Variants in METTL15 observed in about 807,000 individuals in gnomAD.
METTL15 encodes the protein 12S rRNA N(4)-cytidine methyltransferase METTL15.
A neutral mutation model predicts 38.3 loss-of-function variants in METTL15; 34 were observed. The ratio of observed to expected loss-of-function variants is 0.89; its 90% CI spans 0.68 to 1.18. The LOEUF (loss-of-function observed/expected upper bound fraction) is 1.18, where lower values mean the gene tolerates loss of function less well. METTL15 is among the 50% of genes most tolerant of loss of function. The pLI is 0.00. For missense variants in METTL15, 438 were observed against 498.4 expected (o/e 0.88, Z 1.15); for synonymous variants, 162 against 170.9 (o/e 0.95, Z 0.41).
intron 4 of METTL15, among the ~76,000 whole-genome samples, chr11:28,233,046 T>G (rs555557522): frequency 1.3e-5 from 2 of 151,982 alleles, no homozygotes; most frequent in African/African-American, 4.8e-5. Flanking sequence ...TTAGCCTTTA[T>G]TTTTTTTAAA....
intron 6 of METTL15, among the ~76,000 whole-genome samples, chr11:28,425,823 G>C (rs1850858768): frequency 6.6e-6 from 1 of 152,148 alleles, no homozygotes; most frequent in South Asian, 2.1e-4. Flanking sequence ...AATATTTTTT[G>C]TATAAAATTG....
At chr11:28,143,301 A>G (rs1311381639) in intron 3 of METTL15, among the ~76,000 whole-genome samples, 2 of 152,150 alleles carry the variant, frequency 1.3e-5, no homozygotes, top group Non-Finnish European at 2.9e-5. Context: ...TCAAAAGAAC[A>G]CAGTACATTA....
At position 28,392,801 on chromosome 11, in the gene METTL15, CA is replaced by C. The variant is rs375451919; in HGVS notation, c.*358+30770del. ...GAATATATAAAGATCTACAACTGAA[CA>C]AAAACAAAAAAACAAATAACCAATT... On this transcript the variant is annotated intron_variant and NMD_transcript_variant, in intron 5 of 7. Coordinates refer to the METTL15 transcript ENST00000532947. Among the ~76,000 whole-genome samples the C allele has an allele frequency of 4.3e-3, 657 of 151,666 alleles. 7 individuals are homozygous for C. Among genetic ancestry groups the C allele is most frequent in the African/African-American group, 0.015 (624 of 41,416 alleles).
chr11:28,115,176 C>T (rs539107165), intron 3 of METTL15, among the ~76,000 whole-genome samples: 1 of 152,150 alleles, frequency 6.6e-6, no homozygotes, highest in African/African-American at 2.4e-5. Flanking sequence ...TTTGATTCTC[C>T]AAAAAATTAC....
At chr11:28,279,540 T>A (rs1855969801) in intron 4 of METTL15, among the ~76,000 whole-genome samples, 1 of 152,180 alleles carries the variant, frequency 6.6e-6, no homozygotes, top group East Asian at 1.9e-4. Context: ...CTCTTATTTG[T>A]TATACATTAT....
Position 28,392,095 on chromosome 11 carries a change from T to A in METTL15, c.*358+30059T>A, listed in dbSNP as rs776329171. 4.6e-5 allele frequency among the ~76,000 whole-genome samples: 7 copies of A among 152,030 alleles called. No individual in the cohort carries two copies. The South Asian group carries it at 1.2e-3, about 27-fold the overall frequency. Reference sequence around the variant, plus strand: ...CAAAGGGCTAATATCCAGAATCTACTATGAACTCAAACAAATTTACAAGAA... The same window carrying A: ...CAAAGGGCTAATATCCAGAATCTACAATGAACTCAAACAAATTTACAAGAA... On this transcript the variant is annotated intron_variant and NMD_transcript_variant, in intron 5 of 7. Coordinates refer to the METTL15 transcript ENST00000532947.
chr11:28,510,213 TAAG>T lies in METTL15; in HGVS notation c.*425-16260_*425-16258del, dbSNP rs1328724576. The stretch of plus-strand genomic sequence containing the variant: ...CAAAATAAATTACTAAAGGAAATTA[TAAG>T]AAGATCTGCTACTTCAGCTAACAAA... On this transcript the variant is annotated intron_variant and NMD_transcript_variant, in intron 6 of 7. Transcript: ENST00000532947. Among the ~76,000 whole-genome samples the T allele has an allele frequency of 2.0e-5, 3 of 152,312 alleles. No homozygotes were observed. In the East Asian group the frequency reaches 5.8e-4, roughly 29 times the overall value.
At chr11:28,374,734 G>C (rs1221629213) in intron 5 of METTL15, among the ~76,000 whole-genome samples, 1 of 151,340 alleles carries the variant, frequency 6.6e-6, no homozygotes. Context: ...GGGCATCCCT[G>C]TCTTGTGCCA....
chr11:28,296,053 A>G (rs1231197304), intron 5 of METTL15, among the ~76,000 whole-genome samples: 1 of 152,126 alleles, frequency 6.6e-6, no homozygotes, highest in South Asian at 2.1e-4. Context: ...CTATTTGACC[A>G]GAGGTTGGTA....
chr11:28,149,821 A>AT (rs1850017765), intron 3 of METTL15, among the ~76,000 whole-genome samples: 1 of 152,018 alleles, frequency 6.6e-6, no homozygotes, highest in Non-Finnish European at 1.5e-5. Flanking sequence ...CAGTACTTAA[A>AT]TTTTATTTAA....
intron 6 of METTL15, among the ~76,000 whole-genome samples, chr11:28,461,016 A>G (rs1851209329): frequency 6.6e-6 from 1 of 152,060 alleles, no homozygotes. Context: ...TTCATTTCAT[A>G]GACAGAGGGG....
intron 4 of METTL15, chr11:28,261,459 C>G (rs917196039): frequency 1.3e-5 from 2 of 156,606 alleles, no homozygotes; most frequent in African/African-American, 4.8e-5. Context: ...GCCAGATCAG[C>G]TGAATCAACT....
At chr11:28,340,421 A>G (rs565367257) in intron 3 of METTL15, among the ~76,000 whole-genome samples, 1 of 152,294 alleles carries the variant, frequency 6.6e-6, no homozygotes, top group South Asian at 2.1e-4. Flanking sequence ...TTTGCAATCT[A>G]TCCATCTGGC....
intron 4 of METTL15, among the ~76,000 whole-genome samples, chr11:28,256,999 A>T (rs149810428): frequency 1.3e-5 from 2 of 152,168 alleles, no homozygotes; most frequent in Non-Finnish European, 2.9e-5. Context: ...ATGTATTTGT[A>T]TAGTTTCCAA....
chr11:28,259,457 A>C (rs1348893365), intron 4 of METTL15, among the ~76,000 whole-genome samples: 1 of 152,116 alleles, frequency 6.6e-6, no homozygotes, highest in Admixed American at 6.5e-5. Flanking sequence ...CATGCCTGGG[A>C]GTTGCAGTCC....
At chr11:28,158,642 G>C (rs2133736356) in intron 3 of METTL15, among the ~76,000 whole-genome samples, 1 of 152,280 alleles carries the variant, frequency 6.6e-6, no homozygotes, top group East Asian at 1.9e-4. Context: ...CTTCTGCCAA[G>C]ACTACCATCC....
At chr11:28,504,136 G>T (rs917571695) in intron 6 of METTL15, among the ~76,000 whole-genome samples, 1 of 144,986 alleles carries the variant, frequency 6.9e-6, no homozygotes, top group Non-Finnish European at 1.5e-5. Context: ...GGCAGAGGTT[G>T]CAGTGAGTCG....
chr11:28,478,434 C>T (rs549624128), intron 6 of METTL15, among the ~76,000 whole-genome samples: 40 of 152,268 alleles, frequency 2.6e-4, no homozygotes, highest in African/African-American at 5.8e-4. Flanking sequence ...AAATATTAGG[C>T]GAGTCTGTGG....
chr11:28,262,394 A>G (rs1448891576), intron 4 of METTL15, among the ~76,000 whole-genome samples: 1 of 150,916 alleles, frequency 6.6e-6, no homozygotes, highest in Non-Finnish European at 1.5e-5. Context: ...ACTGTATAGT[A>G]TATATATTAT....
Sources: gnomAD v4.1 joint callset for allele counts (sites outside exome capture counted in the v4.1 genomes callset) on GRCh38, gnomAD v4.1.1 for gene constraint, MANE v1.5 for transcripts, NCBI Gene and HGNC (gene_info 2026-07-23, HGNC 2026-07-21) for gene names.